The following ANTXRL variants were observed in gnomAD, a reference collection of about 807,000 sequenced individuals.
ANTXRL encodes the protein anthrax toxin receptor-like.
ANTXRL carries 63 observed loss-of-function variants against 75.4 expected under a neutral mutation model. That is an observed-to-expected ratio of 0.84 (90% CI 0.68 to 1.03). The LOEUF is 1.03. ANTXRL is among the 50% of genes least tolerant of loss of function. The pLI is 0.00. For missense variants in ANTXRL, 797 were observed against 789.4 expected, an observed-to-expected ratio of 1.01 and a Z score of -0.12; for synonymous variants, 335 against 291.3, an observed-to-expected ratio of 1.15 and a Z score of -1.53.
At chr10:46,312,340 C>T (rs1423577637) in intron 15 of ANTXRL, among the ~76,000 whole-genome samples, 1 of 148,152 alleles carries the variant, frequency 6.7e-6, no homozygotes, top group African/African-American at 2.5e-5. Context: ...CCTGAGGAAA[C>T]CTCCTTCACG....
chr10:46,310,074 C>G (rs140306343), intron 13 of ANTXRL, among the ~76,000 whole-genome samples: 3 of 152,146 alleles, frequency 2.0e-5, no homozygotes, highest in African/African-American at 7.2e-5. Flanking sequence ...AGCCATGAGG[C>G]TGGGAGGTCA....
rs1554955362 is a variant in ANTXRL, at chr10:46,287,122, G to A, written c.-141G>A. 8.2e-6 allele frequency: 9 copies of A among 1,093,110 alleles called. No homozygotes were observed. The highest frequency in any genetic ancestry group is 1.6e-5 in the African/African-American group (1 of 62,894). 67.7% of individuals were successfully genotyped at this position (1,093,110 alleles called of 1,614,324 possible). On this transcript the variant is annotated 5_prime_UTR_variant, in exon 1 of 17. The change creates a new upstream start codon in the 5' untranslated region. Coordinates refer to ENST00000620264, the MANE Select transcript of ANTXRL (RefSeq NM_001278688.3). Reference sequence around the variant, plus strand: ...GGGAGGTACCTGGTGGAGGGCCATAGTGTGCACTGGTGAAAGGGCAGGAGG... The same window carrying A: ...GGGAGGTACCTGGTGGAGGGCCATAATGTGCACTGGTGAAAGGGCAGGAGG...
Position 46,287,321 on chromosome 10 carries a change from T to C in ANTXRL, c.59T>C (p.Leu20Pro). The C allele has an allele frequency of 1.3e-6, 2 of 1,535,976 alleles. No homozygotes were observed. The highest frequency in any genetic ancestry group is 4.9e-5 in the East Asian group (2 of 40,912). The part of the protein sequence containing the change: ...YFLVFLLLLL[L>P]PPPLFRAGSL... ...CTGGTCTTCCTGCTGCTGCTGCTGC[T>C]TCCTCCACCGCTTTTTAGAGCAGGA... The change falls in exon 1 of 17, where the codon CTT becomes CCT. Residue 20 changes from leucine (L) to proline (P), a missense_variant. Around this residue, in one of 3 missense-constraint regions of ANTXRL, gnomAD observed 262 missense variants for 271.9 expected, o/e 0.96. Transcript: ENST00000620264.
At chr10:46,308,405 C>CT in intron 12 of ANTXRL, 1 of 274,554 alleles carries the variant, frequency 3.6e-6, no homozygotes, top group South Asian at 2.6e-5. Context: ...TGCCCCTTCC[C>CT]TCCCCTCCCC....
chr10:46,292,181 T>C (rs1554956705), intron 2 of ANTXRL, 52 bp downstream of exon 2: 1 of 1,518,404 alleles, frequency 6.6e-7, no homozygotes, highest in African/African-American at 1.4e-5. Context: ...GCTTTTCTTC[T>C]GGAAGGCAGG....
At chr10:46,301,755 G>A (rs117833747) in intron 9 of ANTXRL, among the ~76,000 whole-genome samples, 2,404 of 152,296 alleles carry the variant, frequency 0.016, 24 homozygotes, top group Non-Finnish European at 0.02. Context: ...CCCACAGCCC[G>A]CCTTGAAGGT....
chr10:46,294,055 C>G (rs1265876594), intron 3 of ANTXRL, 155 bp downstream of exon 3: 1 of 642,730 alleles, frequency 1.6e-6, no homozygotes, highest in Non-Finnish European at 2.6e-6. Context: ...TGACCTTAGC[C>G]CCGGCTCCCC....
intron 15 of ANTXRL, 94 bp from the exon 16 acceptor site, chr10:46,313,142 T>C: frequency 8.6e-7 from 1 of 1,158,024 alleles, no homozygotes; most frequent in South Asian, 1.3e-5. Context: ...GGTGTTTTCC[T>C]GGGCACAGAG....
chr10:46,301,185 C>T (rs534138896), intron 9 of ANTXRL, among the ~76,000 whole-genome samples: 6 of 152,376 alleles, frequency 3.9e-5, no homozygotes, highest in Non-Finnish European at 8.8e-5. Context: ...CCCTCCCGGG[C>T]ACACACTGAG....
intron 9 of ANTXRL, among the ~76,000 whole-genome samples, chr10:46,299,093 G>C (rs1392305417): frequency 6.6e-6 from 1 of 152,060 alleles, no homozygotes; most frequent in Non-Finnish European, 1.5e-5. Flanking sequence ...AGACCACAGG[G>C]CAGGAGCAGC....
intron 10 of ANTXRL, among the ~76,000 whole-genome samples, chr10:46,305,250 A>C (rs1554961597): frequency 6.6e-6 from 1 of 152,118 alleles, no homozygotes; most frequent in Non-Finnish European, 1.5e-5. Context: ...CAGTCCCTGT[A>C]GGGCAGCAGG....
intron 13 of ANTXRL, among the ~76,000 whole-genome samples, chr10:46,309,806 C>T (rs1838316186): frequency 6.6e-6 from 1 of 152,168 alleles, no homozygotes; most frequent in Admixed American, 6.5e-5. Context: ...CAGTTCTGTC[C>T]TGTCATGGCT....
At chr10:46,286,134 A>G (rs1836759309), upstream of ANTXRL, among the ~76,000 whole-genome samples, 1 of 152,128 alleles carries the variant, frequency 6.6e-6, no homozygotes, top group Admixed American at 6.5e-5. Flanking sequence ...ACCTGTCCAC[A>G]TTCTTTCCCT....
intron 9 of ANTXRL, among the ~76,000 whole-genome samples, chr10:46,300,189 A>G (rs1383465439): frequency 6.6e-6 from 1 of 152,108 alleles, no homozygotes; most frequent in Non-Finnish European, 1.5e-5. Flanking sequence ...CCCGGCAGTC[A>G]CAGCCCTGAT....
intron 14 of ANTXRL, 82 bp downstream of exon 14, chr10:46,310,581 C>T: frequency 7.3e-7 from 1 of 1,374,044 alleles, no homozygotes. Context: ...AAGCCTGCGC[C>T]CCATGATCTC....
Position 46,297,390 on chromosome 10 carries a change from G to A in ANTXRL, c.586-16G>A, listed in dbSNP as rs1837443621. On this transcript the variant is annotated splice_polypyrimidine_tract_variant and intron_variant, in intron 6 of 16. Transcript: ENST00000620264. ...TGTATTTTGATGACCAATATGCAAT[G>A]CCTTCTTTCCCTTAGGCTCAAAAGG... 9 of 1,536,048 alleles carry A rather than the reference G, an allele frequency of 5.9e-6. No homozygotes were observed. The highest frequency in any genetic ancestry group is 7.8e-6 in the Non-Finnish European group (9 of 1,146,776).
chr10:46,309,020 G>A, intron 12 of ANTXRL, 93 bp from the exon 13 acceptor site: 1 of 1,512,458 alleles, frequency 6.6e-7, no homozygotes, highest in Non-Finnish European at 8.9e-7. Context: ...GGGCCAGCTA[G>A]GGAGAGTGAG....
chr10:46,306,873 G>C lies in ANTXRL; in HGVS notation c.965+1G>C, dbSNP rs1554962055. ...GGCCAAAACTAGAAAAACCTGGAGA[G>C]TAAGTGCCCCTGGCAGGAGGCTAGA... On this transcript the variant is annotated splice_donor_variant, in intron 11 of 16. Transcript: ENST00000620264. LOFTEE classifies it high-confidence loss of function. 6.5e-7 allele frequency: 1 copy of C among 1,528,036 alleles called. No individual in the cohort carries two copies. The highest frequency in any genetic ancestry group is 2.0e-5 in the Admixed American group (1 of 49,708). The allele number at this position is 1,528,036 out of a possible 1,614,324, so 94.7% of individuals were successfully genotyped here.
chr10:46,308,354 G>T lies in ANTXRL; in HGVS notation c.1045-759G>T, dbSNP rs552551757. On this transcript the variant is annotated intron_variant, in intron 12 of 16. Coordinates refer to ENST00000620264, the MANE Select transcript of ANTXRL (RefSeq NM_001278688.3). ...GCGGCCTTCATGCTCAGCCTCAGTG[G>T]TTCCTCTCCTTCAGCCAGCCGGGTT... is the stretch of plus-strand genomic sequence containing the variant. The T allele has an allele frequency of 1.2e-3, 507 of 416,256 alleles. 3 individuals carry two copies. Among genetic ancestry groups the T allele is most frequent in the Admixed American group, 2.1e-3 (84 of 39,476 alleles). 25.8% of individuals were successfully genotyped at this position (416,256 alleles called of 1,614,324 possible). A position where few individuals can be genotyped will look rare whatever the true frequency, so the allele number is the denominator to read the frequency against.
Sources: allele counts gnomAD v4.1 joint callset (sites outside exome capture counted in the v4.1 genomes callset), GRCh38; gene constraint gnomAD v4.1.1; regional missense constraint gnomAD v4.1.1; transcripts MANE v1.5; gene names NCBI Gene and HGNC (gene_info 2026-07-23, HGNC 2026-07-21).